Variants in OTOF observed in about 807,000 individuals in gnomAD.
OTOF encodes the protein otoferlin.
Under a neutral mutation model 236.8 loss-of-function variants are expected in OTOF, and 218 were observed. The observed-to-expected ratio is 0.92, with a 90% CI of 0.82 to 1.03. The LOEUF is 1.03. Among genes scored for constraint, OTOF ranks in the 50% least tolerant of loss-of-function variants. The pLI, the probability that OTOF is intolerant of heterozygous loss-of-function variation, is 0.00. For missense variants in OTOF, 2,590 were observed against 2,694.4 expected, an observed-to-expected ratio of 0.96 and a Z score of 0.86; for synonymous variants, 1,041 against 1,072.5, an observed-to-expected ratio of 0.97 and a Z score of 0.57.
intron 5 of OTOF, among the ~76,000 whole-genome samples, chr2:26,514,959 G>A (rs77009510): frequency 0.012 from 1,818 of 152,276 alleles, 35 homozygotes; most frequent in African/African-American, 0.04. Context: ...TTCACTCCCC[G>A]TCTGAGCACT....
intron 1 of OTOF, among the ~76,000 whole-genome samples, chr2:26,538,212 G>A (rs915382571): frequency 1.3e-5 from 2 of 152,200 alleles, no homozygotes; most frequent in Admixed American, 1.3e-4. Flanking sequence ...TGCCGACAGG[G>A]GTCTGTGAAG....
In OTOF at chr2:26,482,992, GGTGCATGTGTGCATGT is replaced by G. The variant is rs139450940; in HGVS notation, c.1393-416_1393-401del. On this transcript the variant is annotated intron_variant, in intron 13 of 46. Transcript: ENST00000272371. ...GTGGGTATGCGTGCGTGTGTGAGTGGGTGCATGTGTGCATGTGTGAATGGGTGTGTGTGCGTGTGTG... is the reference window on the plus strand; with the variant it reads ...GTGGGTATGCGTGCGTGTGTGAGTGGGTGAATGGGTGTGTGTGCGTGTGTG... 1.7e-4 allele frequency among the ~76,000 whole-genome samples: 23 copies of G among 134,872 alleles called. No individual in the cohort carries two copies. The East Asian group carries it at 4.9e-3, about 29-fold the overall frequency. 88.5% of individuals were successfully genotyped at this position (134,872 alleles called of 152,430 possible). A position where few individuals can be genotyped will look rare whatever the true frequency, so the allele number is the denominator to read the frequency against.
intron 18 of OTOF, 100 bp downstream of exon 18, chr2:26,479,164 C>A (rs1210467653): frequency 6.8e-7 from 1 of 1,472,916 alleles, no homozygotes; most frequent in East Asian, 2.4e-5. Flanking sequence ...GTTCCTGCAG[C>A]CCCCTGGGCA....
intron 2 of OTOF, among the ~76,000 whole-genome samples, chr2:26,533,012 C>T (rs534940008): frequency 6.6e-6 from 1 of 152,158 alleles, no homozygotes; most frequent in Non-Finnish European, 1.5e-5. Context: ...CAGTACCAGT[C>T]CATGGCCTGT....
At chr2:26,526,304 AG>A (rs1404694249) in intron 3 of OTOF, among the ~76,000 whole-genome samples, 1 of 151,758 alleles carries the variant, frequency 6.6e-6, no homozygotes, top group African/African-American at 2.4e-5. Context: ...GATGAATGAA[AG>A]GATGGACGGA....
chr2:26,487,005 T>C (rs1665716366), intron 11 of OTOF, among the ~76,000 whole-genome samples: 1 of 152,206 alleles, frequency 6.6e-6, no homozygotes, highest in African/African-American at 2.4e-5. Flanking sequence ...ACTTCCTCTA[T>C]GATCTATGAG....
chr2:26,482,606 G>A lies in OTOF; in HGVS notation c.1393-14C>T. 1 of 1,610,036 alleles carries A rather than the reference G, an allele frequency of 6.2e-7. No homozygotes were observed. The highest frequency in any genetic ancestry group is 1.3e-5 in the African/African-American group (1 of 75,010). On this transcript the variant is annotated splice_polypyrimidine_tract_variant and intron_variant, in intron 13 of 46. Transcript: ENST00000272371. ...TGAAGTCTTGCCCTGGTGGAAGGGG[G>A]AGCACAGGTGAGGGCGTGGCATGTG...
chr2:26,506,736 A>C (rs1414076054), intron 5 of OTOF, among the ~76,000 whole-genome samples: 2 of 152,214 alleles, frequency 1.3e-5, no homozygotes, highest in East Asian at 3.9e-4. Flanking sequence ...GCGGTGACTC[A>C]CACCTGTAAT....
intron 46 of OTOF, among the ~76,000 whole-genome samples, chr2:26,459,455 G>A (rs1664348055): frequency 6.6e-6 from 1 of 151,876 alleles, no homozygotes; most frequent in Non-Finnish European, 1.5e-5. Flanking sequence ...AGGAGGCTGA[G>A]GCAGGAGAAT....
At chr2:26,472,290 A>C (rs190497403) in intron 30 of OTOF, 3 of 588,300 alleles carry the variant, frequency 5.1e-6, no homozygotes, top group South Asian at 3.6e-5. Context: ...CACACCACAC[A>C]CATGCGCACA....
chr2:26,546,226 C>T (rs191276231), intron 1 of OTOF, among the ~76,000 whole-genome samples: 48 of 152,128 alleles, frequency 3.2e-4, no homozygotes, highest in Middle Eastern at 3.4e-3. Context: ...TTTAGGAGGC[C>T]GAGGCTGGTG....
In OTOF at chr2:26,479,456, T is replaced by C. The variant is rs769232893; in HGVS notation, c.2093+17A>G. On this transcript the variant is annotated intron_variant, in intron 17 of 46. Transcript: ENST00000272371. ...GTGGGAGGGCCAGGCCACAGGAGGA[T>C]GGGAGGCTGGGCCCACCTGTCGGTG... is the stretch of plus-strand genomic sequence containing the variant. The C allele has an allele frequency of 1.2e-6, 2 of 1,602,752 alleles. No individual in the cohort carries two copies. The highest frequency in any genetic ancestry group is 1.7e-6 in the Non-Finnish European group (2 of 1,175,550).
In OTOF at chr2:26,480,791, A is replaced by G. The variant is rs1290085460; in HGVS notation, c.1798T>C (p.Ser600Pro). 6.2e-7 allele frequency: 1 copy of G among 1,611,692 alleles called. No homozygotes were observed. The change falls in exon 15 of 47, where the codon TCG (serine) becomes CCG (proline). Residue 600 changes from serine (S) to proline (P), a missense_variant. Physicochemically the swap from Ser to Pro is moderately conservative, Grantham distance 74. Coordinates refer to ENST00000272371, the MANE Select transcript of OTOF (RefSeq NM_194248.3). The stretch of plus-strand genomic sequence containing the variant: ...CACAGTGCCTGGGGTCTCACCTCCG[A>G]GATGGGCGTGGCCTGCTCCACCTGC... ...EVQVEQATPI[S>P]ESCAGKMEEF...
At chr2:26,518,731 T>A (rs113594956) in intron 4 of OTOF, among the ~76,000 whole-genome samples, 171 of 152,348 alleles carry the variant, frequency 1.1e-3, no homozygotes, top group African/African-American at 4.0e-3. Flanking sequence ...TAGTGACTCC[T>A]GAGCTGGGTC....
At chr2:26,543,551 C>T (rs1430192777) in intron 1 of OTOF, among the ~76,000 whole-genome samples, 6 of 151,860 alleles carry the variant, frequency 4.0e-5, no homozygotes. Flanking sequence ...TCCTAGTTTG[C>T]GTGCCCTGGA....
At chr2:26,514,579 G>T (rs1304825626) in intron 5 of OTOF, among the ~76,000 whole-genome samples, 1 of 152,228 alleles carries the variant, frequency 6.6e-6, no homozygotes, top group Non-Finnish European at 1.5e-5. Flanking sequence ...CCAGGATGTT[G>T]TTTCCCATGG....
At chr2:26,530,362 G>GA (rs143393548) in intron 2 of OTOF, among the ~76,000 whole-genome samples, 1,953 of 152,276 alleles carry the variant, frequency 0.013, 41 homozygotes, top group African/African-American at 0.045. Context: ...GGCTTCCGGG[G>GA]CCCCTGACTG....
intron 39 of OTOF, among the ~76,000 whole-genome samples, chr2:26,464,353 T>G (rs1229951670): frequency 6.6e-6 from 1 of 151,914 alleles, no homozygotes; most frequent in East Asian, 1.9e-4. Flanking sequence ...TGGAGAGCCC[T>G]GCTGGGCTGA....
At chr2:26,487,777 G>T (rs1665736313) in intron 11 of OTOF, among the ~76,000 whole-genome samples, 1 of 152,246 alleles carries the variant, frequency 6.6e-6, no homozygotes, top group African/African-American at 2.4e-5. Flanking sequence ...GTCATTCCAA[G>T]CAAGTAGTCC....
Sources: gnomAD v4.1 joint callset for allele counts (sites outside exome capture counted in the v4.1 genomes callset) on GRCh38, gnomAD v4.1.1 for gene constraint, MANE v1.5 for transcripts, NCBI Gene and HGNC (gene_info 2026-07-23, HGNC 2026-07-21) for gene names.